The following PLCB4 variants were observed in gnomAD, a reference collection of about 807,000 sequenced individuals.
PLCB4 encodes phospholipase C beta 4, also known as 1-phosphatidylinositol 4,5-bisphosphate phosphodiesterase beta-4.
A neutral mutation model predicts 178.8 loss-of-function variants in PLCB4; 77 were observed. That is an observed-to-expected ratio of 0.43 (90% CI 0.36 to 0.52). The LOEUF is 0.52. Among genes scored for constraint, PLCB4 ranks in the 20% least tolerant of loss-of-function variants. The pLI, the probability that PLCB4 is intolerant of heterozygous loss-of-function variation, is 0.00. For missense variants in PLCB4, 1,024 were observed against 1,453.4 expected, an observed-to-expected ratio of 0.70 and a Z score of 4.80; for synonymous variants, 496 against 490.8, an observed-to-expected ratio of 1.01 and a Z score of -0.14.
intron 34 of PLCB4, among the ~76,000 whole-genome samples, chr20:9,458,020 G>C (rs2122403073): frequency 6.6e-6 from 1 of 151,888 alleles, no homozygotes; most frequent in Middle Eastern, 3.4e-3. Flanking sequence ...TGGGCATTTG[G>C]AGAACTAAGT....
intron 3 of PLCB4, among the ~76,000 whole-genome samples, chr20:9,225,712 A>G (rs967429908): frequency 1.3e-5 from 2 of 152,142 alleles, no homozygotes; most frequent in African/African-American, 2.4e-5. Context: ...GAACTGAAAT[A>G]TGGATTTTTT....
intron 3 of PLCB4, among the ~76,000 whole-genome samples, chr20:9,294,881 C>T (rs1394141888): frequency 6.6e-6 from 1 of 152,070 alleles, no homozygotes; most frequent in Non-Finnish European, 1.5e-5. Flanking sequence ...ATCCAGGGAC[C>T]TAAAGATTCT....
At position 9,387,548 on chromosome 20, in the gene PLCB4, C is replaced by A; in HGVS notation, c.1150C>A (p.Leu384Ile). 6.7e-7 allele frequency: 1 copy of A among 1,495,500 alleles called. No individual in the cohort carries two copies. The highest frequency in any genetic ancestry group is 9.2e-7 in the Non-Finnish European group (1 of 1,084,744). The allele number at this position is 1,495,500 out of a possible 1,614,324, so 92.6% of individuals were successfully genotyped here. ...THGKAMCTDI[L>I]FKDVIQAIKE... The stretch of plus-strand genomic sequence containing the variant: ...TGGAAAAGCAATGTGTACAGATATC[C>A]TTTTTAAGGTAACTTTAAAAATAAT... The change falls in exon 15 of 40, where the codon CTT becomes ATT. Residue 384 changes from leucine (L) to isoleucine (I), a missense_variant. Around this residue, in one of 7 missense-constraint regions of PLCB4, gnomAD observed 263 missense variants for 417.4 expected, o/e 0.63. Transcript: ENST00000378473.
intron 9 of PLCB4, among the ~76,000 whole-genome samples, chr20:9,367,839 A>G (rs1413255271): frequency 2.0e-5 from 3 of 152,318 alleles, no homozygotes; most frequent in East Asian, 3.9e-4. Context: ...ACCTTTTTGT[A>G]GAAATAGCTT....
intron 9 of PLCB4, among the ~76,000 whole-genome samples, chr20:9,370,630 A>G (rs550171454): frequency 6.6e-6 from 1 of 152,200 alleles, no homozygotes; most frequent in African/African-American, 2.4e-5. Flanking sequence ...GTCCCAGGCC[A>G]GGCGCTGTGG....
chr20:9,189,778 G>A (rs2093376861), intron 2 of PLCB4, among the ~76,000 whole-genome samples: 1 of 152,160 alleles, frequency 6.6e-6, no homozygotes, highest in Non-Finnish European at 1.5e-5. Flanking sequence ...ATGGCAGAAG[G>A]TAGAAGGGCA....
chr20:9,366,801 C>G (rs1028219818), intron 9 of PLCB4, among the ~76,000 whole-genome samples: 2 of 152,242 alleles, frequency 1.3e-5, no homozygotes, highest in African/African-American at 2.4e-5. Context: ...GATGCCAACT[C>G]TCTCTTCCAG....
At chr20:9,363,046 C>T in intron 8 of PLCB4, 71 bp downstream of exon 8, 1 of 1,102,530 alleles carries the variant, frequency 9.1e-7, no homozygotes, top group Non-Finnish European at 1.4e-6. Context: ...GAGATGAAGG[C>T]TAGGTGGTTC....
intron 32 of PLCB4, among the ~76,000 whole-genome samples, chr20:9,451,941 G>A (rs534869527): frequency 6.6e-6 from 1 of 152,346 alleles, no homozygotes; most frequent in South Asian, 2.1e-4. Context: ...TGTGTTTATA[G>A]CACAAAGGTG....
chr20:9,117,279 T>C (rs1173116779), intron 2 of PLCB4, among the ~76,000 whole-genome samples: 1 of 152,226 alleles, frequency 6.6e-6, no homozygotes, highest in Non-Finnish European at 1.5e-5. Context: ...AGTTATTTTA[T>C]TGGGATTCAA....
chr20:9,313,081 C>T (rs999843668), intron 4 of PLCB4, among the ~76,000 whole-genome samples: 2 of 152,098 alleles, frequency 1.3e-5, no homozygotes, highest in African/African-American at 4.8e-5. Flanking sequence ...GAGGGATGGC[C>T]ATCTTTGCAT....
At chr20:9,078,666 C>T (rs911088622) in intron 1 of PLCB4, among the ~76,000 whole-genome samples, 8 of 152,136 alleles carry the variant, frequency 5.3e-5, no homozygotes, top group African/African-American at 1.4e-4. Context: ...CTGGCTGCTA[C>T]ACCATGTTTT....
At chr20:9,276,555 T>C (rs1426621924) in intron 3 of PLCB4, among the ~76,000 whole-genome samples, 1 of 152,088 alleles carries the variant, frequency 6.6e-6, no homozygotes, top group East Asian at 1.9e-4. Flanking sequence ...GAGGGGGTTA[T>C]TTATTTCATT....
chr20:9,212,270 C>T (rs1568957714), intron 2 of PLCB4, among the ~76,000 whole-genome samples: 1 of 152,304 alleles, frequency 6.6e-6, no homozygotes, highest in East Asian at 1.9e-4. Flanking sequence ...AACTGCTTTC[C>T]AACATTCTGT....
Position 9,289,711 on chromosome 20 carries a change from C to T in PLCB4, c.-15-18089C>T, listed in dbSNP as rs551497153. ...TTACTTGAAATTAAGGAACTTTCGTCATGAGAACCAAGGTCAGACAATGAG... is the reference window on the plus strand; with the variant it reads ...TTACTTGAAATTAAGGAACTTTCGTTATGAGAACCAAGGTCAGACAATGAG... On this transcript the variant is annotated intron_variant, in intron 3 of 39. Coordinates refer to ENST00000378473, the MANE Select transcript of PLCB4 (RefSeq NM_001377142.1). 1.1e-4 allele frequency among the ~76,000 whole-genome samples: 17 copies of T among 152,134 alleles called. No individual in the cohort carries two copies. In the East Asian group the frequency reaches 3.3e-3, roughly 30 times the overall value.
intron 4 of PLCB4, among the ~76,000 whole-genome samples, chr20:9,320,651 A>G (rs1351618736): frequency 6.6e-6 from 1 of 152,218 alleles, no homozygotes; most frequent in Non-Finnish European, 1.5e-5. Context: ...TGTTTTAAGT[A>G]GGTCTTTTTA....
chr20:9,476,479 A>T (rs1303151405), intron 38 of PLCB4, among the ~76,000 whole-genome samples: 1 of 152,170 alleles, frequency 6.6e-6, no homozygotes, highest in Non-Finnish European at 1.5e-5. Context: ...ACTGCCACAG[A>T]AGAGAGGCAC....
chr20:9,355,086 A>C (rs2034677191), intron 7 of PLCB4, among the ~76,000 whole-genome samples: 1 of 152,194 alleles, frequency 6.6e-6, no homozygotes, highest in Non-Finnish European at 1.5e-5. Context: ...ATTCTAATGT[A>C]CCACAGGTGC....
chr20:9,203,056 A>AAATATATATATATATATATATAT (rs769628056), intron 2 of PLCB4, among the ~76,000 whole-genome samples: 2 of 126,164 alleles, frequency 1.6e-5, no homozygotes, highest in African/African-American at 6.6e-5. Context: ...AAAAAAAAAA[A>AAATATATATATATATATATATAT]ATATATATAT....
Sources: allele counts gnomAD v4.1 joint callset (sites outside exome capture counted in the v4.1 genomes callset), GRCh38; gene constraint gnomAD v4.1.1; regional missense constraint gnomAD v4.1.1; transcripts MANE v1.5; gene names NCBI Gene and HGNC (gene_info 2026-07-23, HGNC 2026-07-21).